The following INIP variants were observed in gnomAD, a reference collection of about 807,000 sequenced individuals.
INIP encodes the protein INTS3 and NABP interacting protein.
Under a neutral mutation model 14.0 loss-of-function variants are expected in INIP, and 9 were observed. The ratio of observed to expected loss-of-function variants is 0.64; its 90% CI spans 0.39 to 1.12. INIP has a LOEUF of 1.12. Ranked by LOEUF, INIP falls within the 50% of genes most tolerant of loss-of-function variation. INIP has a pLI of 0.01. For synonymous variants in INIP, 37 were observed against 41.5 expected, an observed-to-expected ratio of 0.89 and a Z score of 0.41; for missense variants, 78 against 122.7, an observed-to-expected ratio of 0.64 and a Z score of 1.72.
chr9:112,716,926 G>A (rs367635355), intron 1 of INIP, among the ~76,000 whole-genome samples: 10 of 150,392 alleles, frequency 6.6e-5, no homozygotes, highest in African/African-American at 2.4e-4. Flanking sequence ...CTGCACTCCA[G>A]TTTGGGCCAC....
intron 1 of INIP, among the ~76,000 whole-genome samples, chr9:112,716,826 G>A (rs1012044857): frequency 5.3e-5 from 8 of 151,870 alleles, no homozygotes; most frequent in Admixed American, 1.3e-4. Context: ...GTGGTGGCAA[G>A]CGCCTGCAGT....
intron 2 of INIP, among the ~76,000 whole-genome samples, chr9:112,706,397 C>CACT (rs1471399198): frequency 6.6e-6 from 1 of 151,928 alleles, no homozygotes; most frequent in Non-Finnish European, 1.5e-5. Context: ...TATAGGTGTG[C>CACT]ACTAGCACAC....
At chr9:112,694,023 C>T (rs1013633546) in intron 3 of INIP, 108 bp downstream of exon 3, 5 of 626,206 alleles carry the variant, frequency 8.0e-6, no homozygotes, top group Admixed American at 3.2e-5. Context: ...TGCAGTGAGC[C>T]GAGATTGCAC....
chr9:112,693,813 G>A (rs1837977956), intron 3 of INIP, among the ~76,000 whole-genome samples: 1 of 152,202 alleles, frequency 6.6e-6, no homozygotes, highest in South Asian at 2.1e-4. Flanking sequence ...GGTGGGTCAC[G>A]CCTGTAATCC....
chr9:112,705,688 G>A (rs1177040959), intron 2 of INIP, among the ~76,000 whole-genome samples: 3 of 152,140 alleles, frequency 2.0e-5, no homozygotes, highest in Non-Finnish European at 4.4e-5. Flanking sequence ...ATTAAATTAT[G>A]AGCAGTGATG....
chr9:112,716,289 G>A (rs900696176), intron 2 of INIP, among the ~76,000 whole-genome samples, 172 bp downstream of exon 2: 3 of 152,010 alleles, frequency 2.0e-5, no homozygotes, highest in Admixed American at 6.6e-5. Flanking sequence ...CAGTCCACCC[G>A]ACTTGGCCTC....
intron 2 of INIP, among the ~76,000 whole-genome samples, chr9:112,711,251 C>T (rs787278): frequency 2.0e-5 from 3 of 151,916 alleles, no homozygotes; most frequent in African/African-American, 4.8e-5. Context: ...CACTGGAGTC[C>T]GGGAGTCTCT....
intron 2 of INIP, among the ~76,000 whole-genome samples, chr9:112,703,191 G>T (rs960660395): frequency 5.9e-5 from 9 of 152,162 alleles, no homozygotes; most frequent in African/African-American, 2.2e-4. Flanking sequence ...TCTTCATACA[G>T]AAAGTTATAT....
intron 3 of INIP, among the ~76,000 whole-genome samples, chr9:112,693,582 A>AT (rs1837969203): frequency 6.6e-6 from 1 of 152,246 alleles, no homozygotes; most frequent in Admixed American, 6.5e-5. Flanking sequence ...GCATGCACTC[A>AT]TAAATTTGTT....
chr9:112,701,301 CTG>C (rs1006865340), intron 2 of INIP, among the ~76,000 whole-genome samples: 13 of 152,096 alleles, frequency 8.5e-5, no homozygotes, highest in Admixed American at 2.0e-4. Context: ...AGGCAAAACT[CTG>C]TCTCAAAAAA....
In INIP at chr9:112,686,954, T is replaced by A. The variant is rs1418857879; in HGVS notation, c.*584A>T. ...TCACAACATTTATAAGAGCATATGT[T>A]TATAAAAGATGGTTAAGACTGGTTA... On this transcript the variant is annotated 3_prime_UTR_variant, in exon 5 of 5. Transcript: ENST00000374242. The A allele has an allele frequency of 6.6e-6, 1 of 152,264 alleles. No individual in the cohort carries two copies. The highest frequency in any genetic ancestry group is 1.5e-5 in the Non-Finnish European group (1 of 68,060). The allele number at this position is 152,264 out of a possible 1,614,324, so 9.4% of individuals were successfully genotyped here. A position where few individuals can be genotyped will look rare whatever the true frequency, so the allele number is the denominator to read the frequency against.
At chr9:112,716,389 A>T (rs979176784) in intron 2 of INIP, 72 bp downstream of exon 2, 27 of 1,440,454 alleles carry the variant, frequency 1.9e-5, no homozygotes, top group Non-Finnish European at 2.5e-5. Flanking sequence ...CCTATGCTAA[A>T]TTTTCTCTTA....
At chr9:112,708,932 G>T (rs755869707) in intron 2 of INIP, among the ~76,000 whole-genome samples, 1 of 151,072 alleles carries the variant, frequency 6.6e-6, no homozygotes, top group African/African-American at 2.4e-5. Context: ...AGTTAATGAC[G>T]AATGTTTCCT....
At chr9:112,713,592 T>C (rs777531375) in intron 2 of INIP, among the ~76,000 whole-genome samples, 8 of 151,934 alleles carry the variant, frequency 5.3e-5, no homozygotes, top group East Asian at 1.9e-4. Flanking sequence ...CTTTGGAAGG[T>C]AGAGGTGGGA....
intron 2 of INIP, among the ~76,000 whole-genome samples, chr9:112,699,452 C>A (rs1045348580): frequency 6.6e-6 from 1 of 152,154 alleles, no homozygotes; most frequent in East Asian, 1.9e-4. Context: ...CAAGGTAGTA[C>A]AATAAGATAT....
In INIP at chr9:112,700,780, T is replaced by C. The variant is rs547323701; in HGVS notation, c.26-6547A>G. ...TCATGCATGTTTGACAATCAGAGCATAGGTAGGTATAGTAACCTCCCTGTT... is the reference window on the plus strand; with the variant it reads ...TCATGCATGTTTGACAATCAGAGCACAGGTAGGTATAGTAACCTCCCTGTT... On this transcript the variant is annotated intron_variant, in intron 2 of 4. Coordinates refer to ENST00000374242, the MANE Select transcript of INIP (RefSeq NM_021218.3). Among the ~76,000 whole-genome samples the C allele has an allele frequency of 2.6e-5, 4 of 151,920 alleles. No homozygotes were observed. In the East Asian group the frequency reaches 5.8e-4, roughly 22 times the overall value.
At chr9:112,715,129 T>TACAC (rs1408313814) in intron 2 of INIP, among the ~76,000 whole-genome samples, 28 of 101,002 alleles carry the variant, frequency 2.8e-4, no homozygotes, top group Non-Finnish European at 4.7e-4. Flanking sequence ...CATACATACA[T>TACAC]ACATACACAC....
chr9:112,709,047 G>T (rs979128468), intron 2 of INIP, among the ~76,000 whole-genome samples: 2 of 151,902 alleles, frequency 1.3e-5, no homozygotes, highest in Non-Finnish European at 2.9e-5. Flanking sequence ...CTGCTCAGGT[G>T]ATCTGTGTTC....
chr9:112,710,291 T>A (rs2131312451), intron 2 of INIP, among the ~76,000 whole-genome samples: 1 of 152,300 alleles, frequency 6.6e-6, no homozygotes, highest in East Asian at 1.9e-4. Flanking sequence ...GATCTGCAGA[T>A]CTTATAGTTA....
Sources: gnomAD v4.1 joint callset for allele counts (sites outside exome capture counted in the v4.1 genomes callset) on GRCh38, gnomAD v4.1.1 for gene constraint, MANE v1.5 for transcripts, NCBI Gene and HGNC (gene_info 2026-07-23, HGNC 2026-07-21) for gene names.